The following LDHAL6A variants were observed in gnomAD, a reference collection of about 807,000 sequenced individuals.
LDHAL6A encodes L-lactate dehydrogenase A-like 6A.
Under a neutral mutation model 28.2 loss-of-function variants are expected in LDHAL6A, and 19 were observed. The ratio of observed to expected loss-of-function variants is 0.67; its 90% confidence interval spans 0.47 to 0.99. The LOEUF (loss-of-function observed/expected upper bound fraction) is 0.99, where lower values mean the gene tolerates loss of function less well. LDHAL6A is among the 50% of genes least tolerant of loss of function. The probability of loss-of-function intolerance (pLI) is 0.00; values close to 1 mark genes in which losing one functional copy is unlikely to be tolerated. For missense variants in LDHAL6A, 372 were observed against 398.6 expected, an observed-to-expected ratio of 0.93 and a Z score of 0.57; for synonymous variants, 144 against 134.4, an observed-to-expected ratio of 1.07 and a Z score of -0.49.
chr11:18,477,580 G>A, intron 5 of LDHAL6A, 40 bp from the exon 6 acceptor site: 2 of 1,553,328 alleles, frequency 1.3e-6, no homozygotes, highest in Non-Finnish European at 1.7e-6. Context: ...TCAATGACAA[G>A]TGCATCTTAA....
intron 1 of LDHAL6A, among the ~76,000 whole-genome samples, chr11:18,457,341 A>C (rs2133857757): frequency 6.6e-6 from 1 of 152,338 alleles, no homozygotes; most frequent in East Asian, 1.9e-4. Context: ...GGCCAAAAAA[A>C]GATTCTGACC....
At chr11:18,473,463 A>G (rs1336283354) in intron 3 of LDHAL6A, among the ~76,000 whole-genome samples, 4 of 152,238 alleles carry the variant, frequency 2.6e-5, no homozygotes, top group Non-Finnish European at 4.4e-5. Context: ...GTGCAGTGGC[A>G]CAACCATAGC....
Position 18,456,592 on chromosome 11 carries a change from C to A in LDHAL6A, c.-89C>A. The A allele has an allele frequency of 2.4e-6, 3 of 1,257,006 alleles. No homozygotes were observed. Among genetic ancestry groups the A allele is most frequent in the Non-Finnish European group, 3.4e-6 (3 of 870,776 alleles). 77.9% of individuals were successfully genotyped at this position (1,257,006 alleles called of 1,614,324 possible). ...GGCCCAGGAGTTCTCTATACGCGCT[C>A]TCACCGCAGGTCTTGGAATTCCAAG... On this transcript the variant is annotated 5_prime_UTR_variant, in exon 1 of 7. Coordinates refer to ENST00000280706, the MANE Select transcript of LDHAL6A (RefSeq NM_144972.5).
intron 3 of LDHAL6A, among the ~76,000 whole-genome samples, chr11:18,467,978 TACGTATATATATGC>T (rs1849142462): frequency 4.4e-5 from 2 of 45,268 alleles, no homozygotes; most frequent in Admixed American, 3.2e-4. Context: ...CGTATATATA[TACGTATATATATGC>T]ATATATATAC....
intron 1 of LDHAL6A, among the ~76,000 whole-genome samples, chr11:18,462,444 T>C (rs569193841): frequency 4.6e-4 from 70 of 151,852 alleles, no homozygotes; most frequent in Middle Eastern, 3.4e-3. Flanking sequence ...AAGACCATCC[T>C]GGCTAACACG....
In LDHAL6A at chr11:18,464,968, GTTTTTTTTGT is replaced by G. The variant is rs1231827458; in HGVS notation, c.245-655_245-646del. On this transcript the variant is annotated intron_variant, in intron 2 of 6. Coordinates refer to ENST00000280706, the MANE Select transcript of LDHAL6A (RefSeq NM_144972.5). ...CAAAAGGTATTTTAGGAGGTGAGGTGTTTTTTTTGTTTTTTTTTGTTTTGTTTTGTTTTGG... is the reference window on the plus strand; with the variant it reads ...CAAAAGGTATTTTAGGAGGTGAGGTGTTTTTTTTGTTTTGTTTTGTTTTGG... Among the ~76,000 whole-genome samples the G allele has an allele frequency of 2.4e-3, 9 of 3,796 alleles. No homozygotes were observed. The East Asian group carries it at 0.034, about 14-fold the overall frequency. The allele number at this position is 3,796 out of a possible 152,430, so 2.5% of individuals were successfully genotyped here.
intron 3 of LDHAL6A, among the ~76,000 whole-genome samples, chr11:18,474,575 C>T (rs888430618): frequency 4.0e-5 from 6 of 151,844 alleles, no homozygotes; most frequent in East Asian, 3.9e-4. Context: ...TTAATAGAGA[C>T]GGGGTTTCAG....
chr11:18,478,907 A>G lies in LDHAL6A; in HGVS notation c.*37A>G, dbSNP rs1353580568. On this transcript the variant is annotated 3_prime_UTR_variant, in exon 7 of 7. Coordinates refer to ENST00000280706, the MANE Select transcript of LDHAL6A (RefSeq NM_144972.5). ...GCTAATTCTGTAGATTGAAGATGAA[A>G]TAGTAGTTATGGAATTGTATATGTC... 16 of 1,521,222 alleles carry G rather than the reference A, an allele frequency of 1.1e-5. No homozygotes were observed. Among genetic ancestry groups the G allele is most frequent in the Non-Finnish European group, 1.3e-5 (14 of 1,115,074 alleles). The allele number at this position is 1,521,222 out of a possible 1,614,324, so 94.2% of individuals were successfully genotyped here.
intron 2 of LDHAL6A, among the ~76,000 whole-genome samples, chr11:18,464,967 T>G (rs1565068637): frequency 1.1e-4 from 1 of 8,870 alleles, no homozygotes; most frequent in African/African-American, 3.2e-4. Context: ...GGAGGTGAGG[T>G]GTTTTTTTTG....
chr11:18,475,326 G>T, intron 3 of LDHAL6A, 140 bp from the exon 4 acceptor site: 1 of 648,892 alleles, frequency 1.5e-6, no homozygotes, highest in South Asian at 2.0e-5. Context: ...AAGAGTTGGC[G>T]TATAGCTGGG....
chr11:18,467,949 ATATATACG>A (rs1849134474), intron 3 of LDHAL6A, among the ~76,000 whole-genome samples: 9 of 54,318 alleles, frequency 1.7e-4, no homozygotes, highest in Admixed American at 5.3e-4. Context: ...ACACACATAT[ATATATACG>A]TATATATATA....
chr11:18,465,627 C>T lies in LDHAL6A; in HGVS notation c.245-10C>T. On this transcript the variant is annotated splice_polypyrimidine_tract_variant and intron_variant, in intron 2 of 6. Coordinates refer to ENST00000280706, the MANE Select transcript of LDHAL6A (RefSeq NM_144972.5). ...TTCATAATCGATTGTTTATTCTAAT[C>T]TTTCCTCAGATTACCTGGTCACTGC... 1.2e-6 allele frequency: 2 copies of T among 1,607,140 alleles called. No individual in the cohort carries two copies. The highest frequency in any genetic ancestry group is 1.7e-5 in the Admixed American group (1 of 58,610).
chr11:18,464,140 T>C (rs1848990993), intron 2 of LDHAL6A, 62 bp downstream of exon 2: 1 of 1,175,798 alleles, frequency 8.5e-7, no homozygotes, highest in Admixed American at 1.7e-5. Context: ...TCTAAGAAAA[T>C]CATCTTTATT....
intron 6 of LDHAL6A, 101 bp downstream of exon 6, chr11:18,477,844 C>T: frequency 9.5e-7 from 1 of 1,055,980 alleles, no homozygotes; most frequent in South Asian, 1.7e-5. Flanking sequence ...TCGTGGGAAG[C>T]ACCTCTCTTC....
chr11:18,468,338 T>G (rs1849174866), intron 3 of LDHAL6A: 1 of 151,390 alleles, frequency 6.6e-6, no homozygotes, highest in Non-Finnish European at 1.5e-5. Flanking sequence ...TGTATAGGTT[T>G]TTTTTTTTTT....
At chr11:18,459,071 G>A (rs769103476) in intron 1 of LDHAL6A, among the ~76,000 whole-genome samples, 5 of 152,112 alleles carry the variant, frequency 3.3e-5, no homozygotes, top group Non-Finnish European at 5.9e-5. Flanking sequence ...TTAGTATGGT[G>A]TGGTGGTTAA....
At chr11:18,475,387 C>CT in intron 3 of LDHAL6A, 79 bp from the exon 4 acceptor site, 2 of 1,127,584 alleles carry the variant, frequency 1.8e-6, no homozygotes, top group Non-Finnish European at 2.6e-6. Context: ...ATCAGATTTA[C>CT]TAGTTTTAAG....
At chr11:18,457,429 C>T (rs967611104) in intron 1 of LDHAL6A, among the ~76,000 whole-genome samples, 6 of 141,166 alleles carry the variant, frequency 4.3e-5, no homozygotes, top group Non-Finnish European at 6.1e-5. Flanking sequence ...CTGAGCTATA[C>T]TTTTATTAAT....
rs527858873 is a variant in LDHAL6A at position 18,462,516 on chromosome 11, A to G, written c.127-1445A>G. On this transcript the variant is annotated intron_variant, in intron 1 of 6. Coordinates refer to ENST00000280706, the MANE Select transcript of LDHAL6A (RefSeq NM_144972.5). ...GCCAGGTGTGGTGGCGGGCGCCTGT[A>G]GTCCCAGCTACTCGGGAGGCTGAGG... is the stretch of plus-strand genomic sequence containing the variant. Among the ~76,000 whole-genome samples the G allele has an allele frequency of 5.3e-4, 80 of 151,988 alleles. 1 individual carries two copies. Among genetic ancestry groups the G allele is most frequent in the African/African-American group, 1.8e-3 (74 of 41,428 alleles).
Sources: gnomAD v4.1 joint callset for allele counts (sites outside exome capture counted in the v4.1 genomes callset) on GRCh38, gnomAD v4.1.1 for gene constraint, MANE v1.5 for transcripts, NCBI Gene and HGNC (gene_info 2026-07-23, HGNC 2026-07-21) for gene names.